CDH18: variants seen among roughly 807,000 people sequenced by gnomAD.
CDH18 encodes the protein cadherin 18.
CDH18 carries 31 observed loss-of-function variants against 67.9 expected under a neutral mutation model. That is an observed-to-expected ratio of 0.46 (90% CI 0.34 to 0.62). The LOEUF (loss-of-function observed/expected upper bound fraction) is 0.62. CDH18 is among the 20% of genes least tolerant of loss of function. The pLI is 0.01. For synonymous variants in CDH18, 362 were observed against 347.2 expected (o/e 1.04, Z -0.48); for missense variants, 890 against 975.5 (o/e 0.91, Z 1.17).
chr5:19,849,641 CAT>C (rs5866401), intron 2 of CDH18, among the ~76,000 whole-genome samples: 270 of 10,630 alleles, frequency 0.025, 48 homozygotes, highest in South Asian at 0.13. Flanking sequence ...TATATACACG[CAT>C]ATATATATAA....
chr5:20,515,881 C>T (rs1207735895), intron 1 of CDH18, among the ~76,000 whole-genome samples: 1 of 151,964 alleles, frequency 6.6e-6, no homozygotes, highest in Non-Finnish European at 1.5e-5. Context: ...TCAGCAGAGT[C>T]AGGAAAAATA....
chr5:20,008,641 T>C (rs1305722048), intron 2 of CDH18, among the ~76,000 whole-genome samples: 2 of 152,140 alleles, frequency 1.3e-5, no homozygotes, highest in Non-Finnish European at 2.9e-5. Context: ...CCCATGACCC[T>C]TAGGGTTTTA....
rs1474433181 is a variant in CDH18 at position 19,517,971 on chromosome 5, A to C, written c.1512+2686T>G. Among the ~76,000 whole-genome samples, 3 of 151,832 alleles carry C rather than the reference A, an allele frequency of 2.0e-5. No homozygotes were observed. The East Asian group carries it at 5.8e-4, about 29-fold the overall frequency. ...GAGATACTGTATTTTCTTAAATTTA[A>C]ATTTTCCATTAGAATGTTTAATATT... On this transcript the variant is annotated intron_variant, in intron 10 of 12. Transcript: ENST00000382275.
At chr5:20,250,589 CTTTTT>C (rs70954644) in intron 2 of CDH18, among the ~76,000 whole-genome samples, 1 of 33,570 alleles carries the variant, frequency 3.0e-5, no homozygotes. Flanking sequence ...CGGCCCATGG[CTTTTT>C]TTTTTTTTTT....
chr5:20,409,543 G>T (rs1746589516), intron 1 of CDH18, among the ~76,000 whole-genome samples: 1 of 151,466 alleles, frequency 6.6e-6, no homozygotes, highest in Non-Finnish European at 1.5e-5. Flanking sequence ...AGTTTATATT[G>T]ATAAATACCT....
intron 2 of CDH18, among the ~76,000 whole-genome samples, chr5:19,967,978 G>A (rs1043163256): frequency 6.7e-6 from 1 of 149,902 alleles, no homozygotes; most frequent in African/African-American, 2.5e-5. Context: ...AAGCTGATAA[G>A]CAACTTCAGC....
rs1034575215 is a variant in CDH18, at chr5:19,962,580, C to A, written c.-257+18480G>T. Among the ~76,000 whole-genome samples the A allele has an allele frequency of 7.3e-5, 11 of 151,658 alleles. 1 individual carries two copies. Among genetic ancestry groups the A allele is most frequent in the African/African-American group, 2.7e-4 (11 of 41,242 alleles). On this transcript the variant is annotated intron_variant, in intron 2 of 12. Transcript: ENST00000382275. ...CTTGAGATCAGGAGTATGAAACCAG[C>A]TTGGCCAACATGGTGAAACCCTGTC...
chr5:20,301,067 T>C (rs990907039), intron 1 of CDH18, among the ~76,000 whole-genome samples: 1 of 152,216 alleles, frequency 6.6e-6, no homozygotes, highest in African/African-American at 2.4e-5. Context: ...AATATCTTTA[T>C]GGGAGACTTT....
intron 3 of CDH18, among the ~76,000 whole-genome samples, chr5:19,785,817 A>G (rs1775720785): frequency 6.7e-6 from 1 of 148,526 alleles, no homozygotes; most frequent in South Asian, 2.1e-4. Context: ...AATGTATATA[A>G]TACATAAAAA....
chr5:19,515,584 T>A (rs1395772059), intron 10 of CDH18, among the ~76,000 whole-genome samples: 1 of 152,200 alleles, frequency 6.6e-6, no homozygotes, highest in East Asian at 1.9e-4. Flanking sequence ...TAAGTTGTAT[T>A]CCTAGGTATT....
intron 2 of CDH18, among the ~76,000 whole-genome samples, chr5:20,079,742 A>G (rs1444369856): frequency 1.3e-5 from 2 of 152,164 alleles, no homozygotes; most frequent in Non-Finnish European, 2.9e-5. Flanking sequence ...TTGGACTGCT[A>G]TAATAAGTTA....
chr5:20,478,439 T>C (rs539525516), intron 1 of CDH18, among the ~76,000 whole-genome samples: 1 of 152,216 alleles, frequency 6.6e-6, no homozygotes, highest in Admixed American at 6.5e-5. Context: ...CCCTTGGGCC[T>C]TGAGTGAACA....
chr5:20,021,678 T>C lies in CDH18; in HGVS notation c.-517-29664A>G, dbSNP rs564271372. 4.7e-4 allele frequency among the ~76,000 whole-genome samples: 72 copies of C among 152,308 alleles called. No individual in the cohort carries two copies. The South Asian group carries it at 0.012, about 25-fold the overall frequency. ...GCTTTCCCTTCACCTTCTGCCATGA[T>C]TGTAAGTTTCCTGAGGCCTCCCTGG... On this transcript the variant is annotated intron_variant, in intron 2 of 14. Coordinates refer to the CDH18 transcript ENST00000507958.
chr5:20,201,631 T>C lies in CDH18; in HGVS notation c.-518+53813A>G, dbSNP rs531546992. 3.9e-4 allele frequency among the ~76,000 whole-genome samples: 59 copies of C among 152,252 alleles called. 1 individual carries two copies. Among genetic ancestry groups the C allele is most frequent in the African/African-American group, 1.3e-3 (56 of 41,558 alleles). On this transcript the variant is annotated intron_variant, in intron 2 of 14. Transcript: ENST00000507958. ...ACAAACAGTATCTAGAAACCAGTAT[T>C]ATATGATAAAATAAATATATAATAC...
intron 1 of CDH18, among the ~76,000 whole-genome samples, chr5:20,450,697 T>C (rs1447518980): frequency 6.6e-6 from 1 of 152,142 alleles, no homozygotes; most frequent in Non-Finnish European, 1.5e-5. Context: ...CACTAGTCAG[T>C]TTTTTGTCAC....
chr5:19,865,535 C>T (rs377283355), intron 2 of CDH18, among the ~76,000 whole-genome samples: 11 of 151,998 alleles, frequency 7.2e-5, no homozygotes, highest in African/African-American at 2.4e-4. Flanking sequence ...TGTCAGTACC[C>T]AGGAAGTCAT....
intron 2 of CDH18, among the ~76,000 whole-genome samples, chr5:20,168,184 A>T: frequency 6.6e-6 from 1 of 152,164 alleles, no homozygotes; most frequent in African/African-American, 2.4e-5. Flanking sequence ...GCTAATTAAA[A>T]ATAACATATT....
At chr5:20,534,668 T>C (rs1756608349) in intron 1 of CDH18, among the ~76,000 whole-genome samples, 1 of 152,002 alleles carries the variant, frequency 6.6e-6, no homozygotes, top group Admixed American at 6.6e-5. Context: ...AGCTCATATT[T>C]TTTCACCTAT....
Position 20,156,492 on chromosome 5 carries a change from T to C in CDH18, c.-518+98952A>G, listed in dbSNP as rs140262821. The stretch of plus-strand genomic sequence containing the variant: ...ATAACTCAGAAACAGTCAAATACCG[T>C]ATGTTCTCACTTAAAGTGGGAGCTA... On this transcript the variant is annotated intron_variant, in intron 2 of 14. Transcript: ENST00000507958. Among the ~76,000 whole-genome samples, 666 of 152,220 alleles carry C rather than the reference T, an allele frequency of 4.4e-3. 2 individuals are homozygous for C. Among genetic ancestry groups the C allele is most frequent in the Non-Finnish European group, 7.1e-3 (486 of 67,994 alleles).
Sources: gnomAD v4.1 joint callset for allele counts (sites outside exome capture counted in the v4.1 genomes callset) on GRCh38, gnomAD v4.1.1 for gene constraint, MANE v1.5 for transcripts, NCBI Gene and HGNC (gene_info 2026-07-23, HGNC 2026-07-21) for gene names.